The following ENTREP2 variants were observed in gnomAD, a reference collection of about 807,000 sequenced individuals.
ENTREP2 encodes the protein endosomal transmembrane epsin interactor 2, also known as protein ENTREP2.
At chr15:29,185,854 G>A in the ENTREP2 span, among the ~76,000 whole-genome samples, 3,564 of 152,208 alleles carry the variant, frequency 0.023, 122 homozygotes, top group African/African-American at 0.08. Context: ...GAGCCACCAC[G>A]GTCTCTTTAT....
chr15:29,143,024 C>T, the ENTREP2 span, among the ~76,000 whole-genome samples: 1 of 152,302 alleles, frequency 6.6e-6, no homozygotes, highest in Middle Eastern at 3.4e-3. Context: ...ATAGGCAGAA[C>T]GCTTTGCTTC....
chr15:29,486,191 A>C, the ENTREP2 span, among the ~76,000 whole-genome samples: 21 of 120,470 alleles, frequency 1.7e-4, no homozygotes, highest in African/African-American at 6.1e-4. Context: ...CACACACACA[A>C]ACACACAATA....
chr15:29,149,083 A>T, the ENTREP2 span, among the ~76,000 whole-genome samples: 1 of 151,868 alleles, frequency 6.6e-6, no homozygotes, highest in Admixed American at 6.6e-5. Context: ...CACCATGTTG[A>T]CCAGGGTGGT....
the ENTREP2 span, among the ~76,000 whole-genome samples, chr15:29,551,829 C>T: frequency 1.3e-5 from 2 of 152,080 alleles, no homozygotes; most frequent in African/African-American, 4.8e-5. Flanking sequence ...AGCAAGTAAA[C>T]AAAACCCTGA....
chr15:29,130,930 G>A, the ENTREP2 span, among the ~76,000 whole-genome samples: 4 of 152,228 alleles, frequency 2.6e-5, no homozygotes, highest in South Asian at 2.1e-4. Flanking sequence ...CATAAACACA[G>A]CTCCTTACAG....
At chr15:29,256,461 A>C in the ENTREP2 span, among the ~76,000 whole-genome samples, 8 of 152,336 alleles carry the variant, frequency 5.3e-5, no homozygotes, top group East Asian at 1.5e-3. Flanking sequence ...AACATAATTA[A>C]TCTGTTGGAT....
the ENTREP2 span, among the ~76,000 whole-genome samples, chr15:29,342,179 T>C: frequency 6.6e-6 from 1 of 152,148 alleles, no homozygotes. Context: ...GAGGTGGCCA[T>C]ACAGATGGCG....
At chr15:29,341,910 T>A in the ENTREP2 span, among the ~76,000 whole-genome samples, 307 of 152,284 alleles carry the variant, frequency 2.0e-3, 2 homozygotes, top group African/African-American at 6.8e-3. Context: ...AAAATTTTTT[T>A]AATTTTTTCC....
At chr15:29,173,727 A>G in the ENTREP2 span, among the ~76,000 whole-genome samples, 1 of 152,164 alleles carries the variant, frequency 6.6e-6, no homozygotes, top group Non-Finnish European at 1.5e-5. Context: ...GTCACCCCAG[A>G]GGACCAAAAT....
chr15:29,664,759 T>C, the ENTREP2 span, among the ~76,000 whole-genome samples: 6 of 152,158 alleles, frequency 3.9e-5, no homozygotes, highest in Non-Finnish European at 8.8e-5. Context: ...TCTTGGCCCT[T>C]TGTCTTTTGA....
At chr15:29,272,426 T>C in the ENTREP2 span, among the ~76,000 whole-genome samples, 1 of 152,160 alleles carries the variant, frequency 6.6e-6, no homozygotes, top group Non-Finnish European at 1.5e-5. Flanking sequence ...AGTCCGAAAA[T>C]ATTAGGATAT....
chr15:29,600,824 A>G, the ENTREP2 span, among the ~76,000 whole-genome samples: 1 of 151,854 alleles, frequency 6.6e-6, no homozygotes, highest in Middle Eastern at 3.2e-3. Context: ...GGTACTGTGG[A>G]ACTGTAAAAA....
the ENTREP2 span, chr15:29,266,317 G>A: frequency 6.6e-6 from 1 of 152,216 alleles, no homozygotes; most frequent in Non-Finnish European, 1.5e-5. Context: ...AAGGTGGAGG[G>A]ATTGGTAAAC....
the ENTREP2 span, among the ~76,000 whole-genome samples, chr15:29,340,862 T>C: frequency 2.0e-5 from 3 of 152,218 alleles, no homozygotes; most frequent in Admixed American, 6.5e-5. Context: ...TTCAGAGTCA[T>C]GGACTGTCTA....
the ENTREP2 span, among the ~76,000 whole-genome samples, chr15:29,658,318 A>T: frequency 2.0e-5 from 3 of 152,212 alleles, no homozygotes; most frequent in Non-Finnish European, 4.4e-5. Flanking sequence ...CCATGATTGT[A>T]AATTTCCTGA....
the ENTREP2 span, among the ~76,000 whole-genome samples, chr15:29,255,874 G>A: frequency 1.6e-4 from 25 of 151,972 alleles, no homozygotes; most frequent in South Asian, 2.1e-4. Flanking sequence ...GGTGGTGGGC[G>A]CCTGTAGTAC....
chr15:29,483,158 T>C, the ENTREP2 span, among the ~76,000 whole-genome samples: 1 of 152,248 alleles, frequency 6.6e-6, no homozygotes, highest in African/African-American at 2.4e-5. Flanking sequence ...TCTGTTCAGG[T>C]TGTTTGCCCA....
chr15:29,367,216 T>C, the ENTREP2 span, among the ~76,000 whole-genome samples: 1 of 152,168 alleles, frequency 6.6e-6, no homozygotes, highest in South Asian at 2.1e-4. Flanking sequence ...ATCTCTACAG[T>C]ACCCTTGAAA....
At chr15:29,596,424 G>GT in the ENTREP2 span, among the ~76,000 whole-genome samples, 72,821 of 151,798 alleles carry the variant, frequency 0.48, 17,903 homozygotes, top group Non-Finnish European at 0.54. Context: ...TTTAATCCCA[G>GT]TATACGTGTA....
Sources: allele counts gnomAD v4.1 joint callset (sites outside exome capture counted in the v4.1 genomes callset), GRCh38; gene constraint gnomAD v4.1.1; transcripts MANE v1.5; gene names NCBI Gene and HGNC (gene_info 2026-07-23, HGNC 2026-07-21).